ANKS1B: variants seen among roughly 807,000 people sequenced by gnomAD.
ANKS1B encodes ankyrin repeat and sterile alpha motif domain-containing protein 1B.
In ANKS1B, 36 loss-of-function variants were observed where a neutral mutation model predicts 148.3. The observed-to-expected ratio is 0.24, with a 90% CI of 0.19 to 0.32. ANKS1B has a LOEUF of 0.32. Among genes scored for constraint, ANKS1B ranks in the 10% least tolerant of loss-of-function variants. ANKS1B has a pLI of 1.00. For synonymous variants in ANKS1B, 542 were observed against 560.8 expected, an observed-to-expected ratio of 0.97 and a Z score of 0.47; for missense variants, 1,157 against 1,542.6, an observed-to-expected ratio of 0.75 and a Z score of 4.19.
rs866756416 is a variant in ANKS1B, at chr12:99,847,444, T to C, written c.135-22055A>G. Among the ~76,000 whole-genome samples the C allele has an allele frequency of 5.9e-5, 9 of 152,296 alleles. 1 individual carries two copies. Among genetic ancestry groups the C allele is most frequent in the Middle Eastern group, 6.8e-3 (2 of 294 alleles). ...CTGGCCATCAAGAAATTCTCTAACC[T>C]ACTGTCTGATAGTAGGTCATAAGAC... On this transcript the variant is annotated intron_variant, in intron 1 of 26. Transcript: ENST00000683438.
intron 26 of ANKS1B, among the ~76,000 whole-genome samples, chr12:98,749,537 G>T (rs1175953524): frequency 3.3e-5 from 5 of 152,208 alleles, no homozygotes; most frequent in Non-Finnish European, 5.9e-5. Flanking sequence ...GTCAGATTGG[G>T]TGGTTAGGAC....
intron 17 of ANKS1B, among the ~76,000 whole-genome samples, chr12:99,041,440 C>T (rs1483400286): frequency 1.3e-5 from 2 of 152,130 alleles, no homozygotes; most frequent in African/African-American, 4.8e-5. Context: ...TTTTATATAT[C>T]TAGCAATTCC....
At chr12:99,604,861 A>T (rs1172040393) in intron 9 of ANKS1B, among the ~76,000 whole-genome samples, 2 of 151,708 alleles carry the variant, frequency 1.3e-5, no homozygotes, top group Non-Finnish European at 2.9e-5. Flanking sequence ...TGTTTAAGAC[A>T]AATAGAGAAG....
intron 9 of ANKS1B, among the ~76,000 whole-genome samples, chr12:99,578,644 G>T (rs553645484): frequency 2.4e-4 from 36 of 152,198 alleles, no homozygotes; most frequent in African/African-American, 7.5e-4. Flanking sequence ...GGTAACCAGG[G>T]AGGTGAAAGA....
intron 17 of ANKS1B, among the ~76,000 whole-genome samples, chr12:99,041,460 C>G (rs1390805496): frequency 6.6e-6 from 1 of 152,128 alleles, no homozygotes; most frequent in African/African-American, 2.4e-5. Context: ...CATGATCACA[C>G]AGTGTGTTTA....
intron 9 of ANKS1B, among the ~76,000 whole-genome samples, chr12:99,542,606 GC>G (rs1286125017): frequency 6.6e-6 from 1 of 151,934 alleles, no homozygotes; most frequent in Non-Finnish European, 1.5e-5. Flanking sequence ...ACTCAGAATA[GC>G]CAAAAAATTT....
At chr12:98,895,133 C>T in intron 17 of ANKS1B, 1 of 985,380 alleles carries the variant, frequency 1.0e-6, no homozygotes, top group South Asian at 4.7e-5. Flanking sequence ...GAGGGCTTAC[C>T]GCTCGGGCGG....
intron 22 of ANKS1B, among the ~76,000 whole-genome samples, chr12:98,792,763 T>C (rs1298374189): frequency 6.6e-6 from 1 of 152,240 alleles, no homozygotes; most frequent in East Asian, 1.9e-4. Flanking sequence ...CTCATCTATG[T>C]TGTCACAAAT....
At chr12:98,848,235 C>T (rs898784303) in intron 17 of ANKS1B, among the ~76,000 whole-genome samples, 1 of 152,196 alleles carries the variant, frequency 6.6e-6, no homozygotes, top group Middle Eastern at 3.2e-3. Context: ...ATGTCATTCA[C>T]ACACAGTGAG....
chr12:99,684,378 A>G (rs2098637821), intron 8 of ANKS1B, among the ~76,000 whole-genome samples: 1 of 151,698 alleles, frequency 6.6e-6, no homozygotes, highest in South Asian at 2.1e-4. Flanking sequence ...CAAAAAAAAA[A>G]AAAAAAAGGG....
chr12:98,926,236 C>G (rs149094685), intron 17 of ANKS1B, among the ~76,000 whole-genome samples: 2 of 152,170 alleles, frequency 1.3e-5, no homozygotes, highest in Non-Finnish European at 2.9e-5. Context: ...GGGAGACTTA[C>G]TGGCTCAAGG....
intron 15 of ANKS1B, chr12:99,099,922 T>C (rs1599960699): frequency 6.6e-6 from 1 of 152,228 alleles, no homozygotes; most frequent in Non-Finnish European, 1.5e-5. Context: ...CCCCACATTT[T>C]CATTTTGGAC....
chr12:99,649,424 A>G, intron 9 of ANKS1B: 3 of 1,572,468 alleles, frequency 1.9e-6, no homozygotes, highest in Non-Finnish European at 2.6e-6. Context: ...CACATATACT[A>G]CGTTCAAGAG....
chr12:98,890,039 T>A (rs1158168355), intron 17 of ANKS1B, among the ~76,000 whole-genome samples: 1 of 152,094 alleles, frequency 6.6e-6, no homozygotes, highest in Non-Finnish European at 1.5e-5. Flanking sequence ...TGATGAATGA[T>A]CAGAAGAAGA....
intron 19 of ANKS1B, among the ~76,000 whole-genome samples, chr12:98,825,216 G>GCTT (rs1248569258): frequency 6.6e-6 from 1 of 152,108 alleles, no homozygotes; most frequent in Non-Finnish European, 1.5e-5. Flanking sequence ...TCACAGCAGT[G>GCTT]CTTCTGTATG....
chr12:99,460,893 G>A (rs1452589411), intron 10 of ANKS1B, among the ~76,000 whole-genome samples: 1 of 151,972 alleles, frequency 6.6e-6, no homozygotes, highest in Admixed American at 6.6e-5. Context: ...CCCACTCCTG[G>A]GTACCTACCC....
Position 98,744,510 on chromosome 12 carries a change from T to G in ANKS1B, c.*1229A>C. 1.7e-6 allele frequency: 1 copy of G among 597,306 alleles called. No individual in the cohort carries two copies. Among genetic ancestry groups the G allele is most frequent in the Non-Finnish European group, 2.1e-6 (1 of 475,546 alleles). 37.0% of individuals were successfully genotyped at this position (597,306 alleles called of 1,614,324 possible). ...TATAATGATATTGGTACTGTTTATA[T>G]AATTTGATTCTACATAAATATACAT... On this transcript the variant is annotated 3_prime_UTR_variant, in exon 27 of 27. Transcript: ENST00000683438.
intron 2 of ANKS1B, among the ~76,000 whole-genome samples, chr12:99,822,024 C>T (rs1407232491): frequency 6.6e-6 from 1 of 151,694 alleles, no homozygotes; most frequent in Non-Finnish European, 1.5e-5. Context: ...TTGGGAATTC[C>T]AATTCTAAAA....
At chr12:99,372,239 T>C (rs1301958670) in intron 12 of ANKS1B, among the ~76,000 whole-genome samples, 1 of 151,758 alleles carries the variant, frequency 6.6e-6, no homozygotes, top group Non-Finnish European at 1.5e-5. Context: ...AGTAGGGAAA[T>C]ATGGGAAATC....
Sources: allele counts gnomAD v4.1 joint callset (sites outside exome capture counted in the v4.1 genomes callset), GRCh38; gene constraint gnomAD v4.1.1; transcripts MANE v1.5; gene names NCBI Gene and HGNC (gene_info 2026-07-23, HGNC 2026-07-21).